The following AGBL1 variants were observed in gnomAD, a reference collection of about 807,000 sequenced individuals.
AGBL1 encodes the protein cytosolic carboxypeptidase 4.
AGBL1 carries 130 observed loss-of-function variants against 118.9 expected under a neutral mutation model. The observed-to-expected ratio is 1.09, with a 90% CI of 0.95 to 1.26. AGBL1 has a LOEUF of 1.26. Among genes scored for constraint, AGBL1 ranks in the 50% most tolerant of loss-of-function variants. AGBL1 has a pLI of 0.00. For synonymous variants in AGBL1, 555 were observed against 478.9 expected (o/e 1.16, Z -2.08); for missense variants, 1,584 against 1,298.1 (o/e 1.22, Z -3.38).
intron 21 of AGBL1, among the ~76,000 whole-genome samples, chr15:86,604,086 A>G (rs181833330): frequency 6.2e-4 from 93 of 150,914 alleles, no homozygotes; most frequent in African/African-American, 2.2e-3. Flanking sequence ...CACCTATACA[A>G]ATTGTGTTAA....
At chr15:86,381,117 C>T (rs567524836) in intron 17 of AGBL1, among the ~76,000 whole-genome samples, 3 of 152,280 alleles carry the variant, frequency 2.0e-5, no homozygotes, top group South Asian at 2.1e-4. Context: ...CAATCACAAC[C>T]CACATTAAAT....
chr15:86,221,199 AAAAAAAT>A (rs766589008), intron 5 of AGBL1, among the ~76,000 whole-genome samples: 3 of 152,222 alleles, frequency 2.0e-5, no homozygotes, highest in South Asian at 2.1e-4. Flanking sequence ...ACTCCATCAA[AAAAAAAT>A]AAAAAATAAA....
chr15:86,380,301 T>G (rs1230752692), intron 17 of AGBL1, among the ~76,000 whole-genome samples: 1 of 149,534 alleles, frequency 6.7e-6, no homozygotes, highest in African/African-American at 2.5e-5. Flanking sequence ...CTTTTTCTTT[T>G]TGAGACAGAG....
At chr15:86,160,644 C>G (rs1192553527) in intron 5 of AGBL1, among the ~76,000 whole-genome samples, 1 of 152,216 alleles carries the variant, frequency 6.6e-6, no homozygotes, top group Non-Finnish European at 1.5e-5. Flanking sequence ...CTTTATCTTT[C>G]TGCCCTATTC....
At chr15:86,298,358 T>TTA (rs1795191693) in intron 17 of AGBL1, among the ~76,000 whole-genome samples, 2 of 114,042 alleles carry the variant, frequency 1.8e-5, no homozygotes, top group African/African-American at 7.2e-5. Context: ...GAATATATTC[T>TTA]TATATATATA....
chr15:86,562,104 G>T (rs1287426552), intron 21 of AGBL1, among the ~76,000 whole-genome samples: 1 of 152,118 alleles, frequency 6.6e-6, no homozygotes, highest in Non-Finnish European at 1.5e-5. Context: ...CTGCAAACAG[G>T]GACAATTTGA....
At chr15:86,138,779 C>A (rs538554522) in intron 1 of AGBL1, among the ~76,000 whole-genome samples, 1 of 152,200 alleles carries the variant, frequency 6.6e-6, no homozygotes, top group African/African-American at 2.4e-5. Flanking sequence ...TTAAAATTTA[C>A]CCAACATTTG....
At chr15:86,808,831 C>T (rs2078752179) in intron 22 of AGBL1, among the ~76,000 whole-genome samples, 1 of 151,538 alleles carries the variant, frequency 6.6e-6, no homozygotes, top group Non-Finnish European at 1.5e-5. Context: ...TTCTTCTTGA[C>T]TTCAATTTTA....
chr15:86,711,609 A>G (rs572699500), intron 22 of AGBL1, among the ~76,000 whole-genome samples: 1 of 152,300 alleles, frequency 6.6e-6, no homozygotes, highest in South Asian at 2.1e-4. Context: ...CCAGATAAAT[A>G]TTTGTTGAAT....
At chr15:86,082,771 A>G (rs1895370433) in intron 1 of AGBL1, among the ~76,000 whole-genome samples, 1 of 152,238 alleles carries the variant, frequency 6.6e-6, no homozygotes. Flanking sequence ...CTACCCAGAC[A>G]TGTTCCAACT....
chr15:86,721,572 A>C (rs1172691540), intron 22 of AGBL1, among the ~76,000 whole-genome samples: 1 of 152,232 alleles, frequency 6.6e-6, no homozygotes, highest in Non-Finnish European at 1.5e-5. Flanking sequence ...AAAAACTGGA[A>C]GTATTCCCTT....
chr15:86,475,388 T>C (rs1370366736), intron 18 of AGBL1, among the ~76,000 whole-genome samples: 1 of 152,160 alleles, frequency 6.6e-6, no homozygotes, highest in Non-Finnish European at 1.5e-5. Context: ...AATGACCTGA[T>C]GGAGCTGAAA....
chr15:86,564,197 C>G (rs898386953), intron 21 of AGBL1, among the ~76,000 whole-genome samples: 4 of 152,138 alleles, frequency 2.6e-5, no homozygotes, highest in African/African-American at 9.7e-5. Flanking sequence ...TTATTTTGCT[C>G]ATTAGATGAT....
intron 16 of AGBL1, among the ~76,000 whole-genome samples, chr15:86,280,319 A>T (rs1343920119): frequency 6.6e-6 from 1 of 152,182 alleles, no homozygotes; most frequent in Non-Finnish European, 1.5e-5. Context: ...AAAGTGTAAG[A>T]ATAAAACACT....
At chr15:86,141,424 G>T (rs1301811234) in intron 1 of AGBL1, among the ~76,000 whole-genome samples, 1 of 152,166 alleles carries the variant, frequency 6.6e-6, no homozygotes. Context: ...GGCCGAGGCA[G>T]GCAGATAACG....
chr15:86,136,849 A>G (rs1192217786), intron 1 of AGBL1, among the ~76,000 whole-genome samples: 2 of 152,182 alleles, frequency 1.3e-5, no homozygotes, highest in Non-Finnish European at 2.9e-5. Flanking sequence ...ACAGTATTTG[A>G]GAAAATTGCA....
chr15:86,089,664 A>G (rs745924751), intron 1 of AGBL1, among the ~76,000 whole-genome samples: 14 of 151,888 alleles, frequency 9.2e-5, no homozygotes, highest in Non-Finnish European at 1.5e-4. Context: ...AAAACAATGC[A>G]TGTTAACATT....
intron 17 of AGBL1, among the ~76,000 whole-genome samples, chr15:86,303,781 C>T (rs1003860760): frequency 6.6e-6 from 1 of 152,060 alleles, no homozygotes; most frequent in African/African-American, 2.4e-5. Flanking sequence ...CAAATTTGTT[C>T]ATGTGATATA....
At chr15:86,831,522 A>G (rs77184313) in intron 22 of AGBL1, among the ~76,000 whole-genome samples, 3,477 of 152,314 alleles carry the variant, frequency 0.023, 131 homozygotes, top group East Asian at 0.19. Flanking sequence ...GCTACATGCA[A>G]TTCTGAAATC....
Sources: allele counts gnomAD v4.1 joint callset (sites outside exome capture counted in the v4.1 genomes callset), GRCh38; gene constraint gnomAD v4.1.1; transcripts MANE v1.5; gene names NCBI Gene and HGNC (gene_info 2026-07-23, HGNC 2026-07-21).